SLC44A1: variants seen among roughly 807,000 people sequenced by gnomAD.
The protein encoded by SLC44A1 is choline transporter-like protein 1.
SLC44A1 carries 26 observed loss-of-function variants against 79.3 expected under a neutral mutation model. The ratio of observed to expected loss-of-function variants is 0.33; its 90% CI spans 0.24 to 0.46. The LOEUF is 0.46. SLC44A1 is among the 20% of genes least tolerant of loss of function. The probability of loss-of-function intolerance (pLI) is 1.00; values close to 1 mark genes in which losing one functional copy is unlikely to be tolerated. For synonymous variants in SLC44A1, 263 were observed against 286.2 expected (o/e 0.92, Z 0.82); for missense variants, 688 against 798.1 (o/e 0.86, Z 1.66).
intron 6 of SLC44A1, among the ~76,000 whole-genome samples, chr9:105,357,571 CA>C (rs1351109552): frequency 6.6e-6 from 1 of 152,112 alleles, no homozygotes; most frequent in Admixed American, 6.5e-5. Context: ...ATTATTATTT[CA>C]GAAACGTATT....
chr9:105,296,278 G>A (rs376926), intron 1 of SLC44A1, among the ~76,000 whole-genome samples: 26,734 of 151,930 alleles, frequency 0.18, 3,641 homozygotes, highest in African/African-American at 0.38. Context: ...GACTCTGTCA[G>A]TATTTTTTAT....
At chr9:105,310,080 T>C (rs750002435) in intron 3 of SLC44A1, among the ~76,000 whole-genome samples, 2 of 152,164 alleles carry the variant, frequency 1.3e-5, no homozygotes, top group African/African-American at 4.8e-5. Flanking sequence ...TTAGCTACCA[T>C]GTTAAAATGG....
At chr9:105,402,965 T>G (rs1315649629) in intron 15 of SLC44A1, among the ~76,000 whole-genome samples, 1 of 144,868 alleles carries the variant, frequency 6.9e-6, no homozygotes, top group African/African-American at 2.6e-5. Context: ...GCATGCACCT[T>G]CACACCCAGC....
intron 1 of SLC44A1, among the ~76,000 whole-genome samples, chr9:105,273,635 T>A (rs1371697555): frequency 6.6e-6 from 1 of 152,208 alleles, no homozygotes; most frequent in African/African-American, 2.4e-5. Context: ...CTTGAAGATG[T>A]GAGTCCATTA....
intron 2 of SLC44A1, among the ~76,000 whole-genome samples, chr9:105,302,898 C>T (rs925167010): frequency 7.9e-5 from 12 of 152,102 alleles, no homozygotes; most frequent in African/African-American, 2.2e-4. Context: ...GCAGATCACT[C>T]TGGAGGCTGA....
chr9:105,399,372 G>A (rs765925574), downstream of SLC44A1, among the ~76,000 whole-genome samples: 1 of 152,194 alleles, frequency 6.6e-6, no homozygotes, highest in Non-Finnish European at 1.5e-5. Context: ...GTCAATCTCA[G>A]GTTGCATCCT....
At chr9:105,351,968 G>A (rs1336692452) in intron 5 of SLC44A1, among the ~76,000 whole-genome samples, 1 of 152,156 alleles carries the variant, frequency 6.6e-6, no homozygotes, top group African/African-American at 2.4e-5. Context: ...AAGAGTATAG[G>A]AGTGAAAGAA....
chr9:105,354,612 T>TA (rs541271308), intron 5 of SLC44A1, among the ~76,000 whole-genome samples: 1 of 152,304 alleles, frequency 6.6e-6, no homozygotes, highest in African/African-American at 2.4e-5. Flanking sequence ...GAGGCAATTT[T>TA]AAAAAACAAA....
At chr9:105,315,271 GT>G (rs72336954) in intron 3 of SLC44A1, among the ~76,000 whole-genome samples, 25,565 of 130,132 alleles carry the variant, frequency 0.2, 2,184 homozygotes, top group Non-Finnish European at 0.21. Flanking sequence ...TTTTTTGTTT[GT>G]TTTTTTTTTT....
intron 4 of SLC44A1, among the ~76,000 whole-genome samples, chr9:105,346,770 G>A (rs533464591): frequency 6.6e-6 from 1 of 152,050 alleles, no homozygotes; most frequent in Non-Finnish European, 1.5e-5. Flanking sequence ...TCATTAAAAT[G>A]GAAAAGAATA....
chr9:105,318,139 C>T (rs1312126742), intron 3 of SLC44A1, among the ~76,000 whole-genome samples: 9 of 152,140 alleles, frequency 5.9e-5, no homozygotes, highest in South Asian at 2.1e-4. Context: ...ACATCTGTGA[C>T]GTTCTAAATG....
chr9:105,408,853 A>G (rs143117837), intron 15 of SLC44A1, among the ~76,000 whole-genome samples: 1 of 152,358 alleles, frequency 6.6e-6, no homozygotes, highest in East Asian at 1.9e-4. Context: ...CTACATAGGA[A>G]CACAGTGTTT....
chr9:105,286,276 G>A (rs953745885), intron 1 of SLC44A1, among the ~76,000 whole-genome samples: 1 of 152,124 alleles, frequency 6.6e-6, no homozygotes, highest in South Asian at 2.1e-4. Context: ...AAGTGTCATG[G>A]GTCCTGGCCC....
intron 1 of SLC44A1, among the ~76,000 whole-genome samples, chr9:105,278,431 G>A (rs1830265579): frequency 1.3e-5 from 2 of 152,104 alleles, no homozygotes; most frequent in South Asian, 4.1e-4. Flanking sequence ...TGTATTTTTA[G>A]TAGAGATGGG....
At chr9:105,315,833 T>C (rs530053386) in intron 3 of SLC44A1, among the ~76,000 whole-genome samples, 69 of 152,344 alleles carry the variant, frequency 4.5e-4, no homozygotes, top group African/African-American at 1.6e-3. Flanking sequence ...TGTTTCATTA[T>C]GTGACTAGGA....
downstream of SLC44A1, chr9:105,397,379 A>G (rs1276829013): frequency 1.0e-6 from 1 of 982,064 alleles, no homozygotes; most frequent in Middle Eastern, 5.2e-4. Flanking sequence ...ACACTTCCCC[A>G]TGCCCAGGGT....
chr9:105,320,356 T>C (rs1172254632), intron 3 of SLC44A1, among the ~76,000 whole-genome samples: 1 of 151,364 alleles, frequency 6.6e-6, no homozygotes, highest in Non-Finnish European at 1.5e-5. Flanking sequence ...TGTATGTAAT[T>C]TAATATATTT....
At chr9:105,249,027 T>A (rs945561179) in intron 1 of SLC44A1, among the ~76,000 whole-genome samples, 3 of 152,210 alleles carry the variant, frequency 2.0e-5, no homozygotes, top group Non-Finnish European at 4.4e-5. Flanking sequence ...GTAAGAGGGA[T>A]GGAGGAGAAT....
At chr9:105,287,221 TATCA>T (rs139516951) in intron 1 of SLC44A1, among the ~76,000 whole-genome samples, 1,911 of 152,340 alleles carry the variant, frequency 0.013, 35 homozygotes, top group African/African-American at 0.043. Context: ...TCTGTATGTT[TATCA>T]AAACATCATG....
Sources: gnomAD v4.1 joint callset for allele counts (sites outside exome capture counted in the v4.1 genomes callset) on GRCh38, gnomAD v4.1.1 for gene constraint, MANE v1.5 for transcripts, NCBI Gene and HGNC (gene_info 2026-07-23, HGNC 2026-07-21) for gene names.